Variants in HAPSTR1 observed in about 807,000 individuals in gnomAD.
HAPSTR1 encodes HUWE1 associated protein modifying stress responses, also known as HUWE1-associated protein modifying stress responses 1.
At chr16:9,092,969 A>C in the HAPSTR1 span, 1 of 1,610,422 alleles carries the variant, frequency 6.2e-7, no homozygotes, top group Non-Finnish European at 8.5e-7. Flanking sequence ...CCCTTCCAAA[A>C]CGCAGCCACC....
chr16:9,093,151 A>G, the HAPSTR1 span: 19 of 794,956 alleles, frequency 2.4e-5, no homozygotes, highest in Admixed American at 5.2e-4. Flanking sequence ...TGCTCTAGCT[A>G]GATCCACCGG....
At chr16:9,099,557 A>G in the HAPSTR1 span, among the ~76,000 whole-genome samples, 1 of 152,208 alleles carries the variant, frequency 6.6e-6, no homozygotes, top group African/African-American at 2.4e-5. Flanking sequence ...TTGACATTTC[A>G]GTGCTTGTGG....
At chr16:9,106,847 C>T in the HAPSTR1 span, 2 of 152,068 alleles carry the variant, frequency 1.3e-5, no homozygotes, top group Admixed American at 1.3e-4. Flanking sequence ...GAATTAATAC[C>T]AACAACTGGT....
the HAPSTR1 span, among the ~76,000 whole-genome samples, chr16:9,094,178 A>G: frequency 6.6e-6 from 1 of 152,180 alleles, no homozygotes; most frequent in Non-Finnish European, 1.5e-5. Context: ...ACTGGTAACA[A>G]AGTGGTGAAA....
At chr16:9,098,199 G>GT in the HAPSTR1 span, among the ~76,000 whole-genome samples, 1 of 152,164 alleles carries the variant, frequency 6.6e-6, no homozygotes, top group Non-Finnish European at 1.5e-5. Flanking sequence ...GGGCATTGTG[G>GT]TGCATGCCTG....
the HAPSTR1 span, among the ~76,000 whole-genome samples, chr16:9,097,371 A>G: frequency 3.8e-4 from 57 of 151,566 alleles, no homozygotes; most frequent in Middle Eastern, 6.9e-3. Context: ...GCCACTGAGT[A>G]GCTGGGACCA....
chr16:9,115,364 A>G, the HAPSTR1 span, among the ~76,000 whole-genome samples: 1 of 152,186 alleles, frequency 6.6e-6, no homozygotes, highest in East Asian at 1.9e-4. Context: ...AAATTAATTG[A>G]TAGTCAAGCA....
the HAPSTR1 span, chr16:9,105,839 T>A: frequency 6.6e-6 from 1 of 152,218 alleles, no homozygotes; most frequent in Non-Finnish European, 1.5e-5. Flanking sequence ...GGCTTGAGTT[T>A]ATAATGAAAG....
the HAPSTR1 span, chr16:9,113,004 GGTTTTTTTTTTTTGTTTTTTTT>G: frequency 2.9e-5 from 3 of 102,690 alleles, no homozygotes; most frequent in African/African-American, 1.7e-4. Flanking sequence ...CGTACAACTT[GGTTTTTTTTTTTTGTTTTTTTT>G]GTTTTTTTTT....
chr16:9,098,910 T>A, the HAPSTR1 span, among the ~76,000 whole-genome samples: 1 of 152,206 alleles, frequency 6.6e-6, no homozygotes, highest in South Asian at 2.1e-4. Flanking sequence ...AGTTCCTTGT[T>A]ACAAACTTGC....
At chr16:9,121,308 A>G in the HAPSTR1 span, 101,551 of 152,182 alleles carry the variant, frequency 0.67, 35,089 homozygotes, top group African/African-American at 0.85. Flanking sequence ...CTGGGTCAAA[A>G]AAATTCATCT....
the HAPSTR1 span, chr16:9,107,286 TA>T: frequency 2.0e-5 from 3 of 152,230 alleles, no homozygotes; most frequent in Non-Finnish European, 4.4e-5. Context: ...TGGAAATACA[TA>T]AACATAGAGC....
chr16:9,120,222 G>A, the HAPSTR1 span: 6 of 152,208 alleles, frequency 3.9e-5, no homozygotes, highest in Non-Finnish European at 7.3e-5. Flanking sequence ...GGTTCTTCCA[G>A]AGCAACCCCT....
chr16:9,094,305 T>G, the HAPSTR1 span, among the ~76,000 whole-genome samples: 1 of 152,198 alleles, frequency 6.6e-6, no homozygotes, highest in Non-Finnish European at 1.5e-5. Flanking sequence ...ATATAGCTGT[T>G]TGTTAAATTG....
the HAPSTR1 span, chr16:9,108,777 C>T: frequency 2.0e-5 from 3 of 152,050 alleles, no homozygotes; most frequent in African/African-American, 7.2e-5. Flanking sequence ...CCTCGGTAAC[C>T]TTGGGCAACA....
At chr16:9,091,867 G>A in the HAPSTR1 span, 2 of 444,628 alleles carry the variant, frequency 4.5e-6, no homozygotes, top group Non-Finnish European at 7.4e-6. Context: ...GTTGCACGGG[G>A]CCGCGGGGCG....
chr16:9,110,115 G>C, the HAPSTR1 span: 1 of 149,746 alleles, frequency 6.7e-6, no homozygotes, highest in Admixed American at 6.6e-5. Context: ...GAGGCACCAT[G>C]TCCATCGCCT....
the HAPSTR1 span, chr16:9,092,201 GAGCACAAGC>G: frequency 6.3e-7 from 1 of 1,587,054 alleles, no homozygotes; most frequent in Non-Finnish European, 8.6e-7. Flanking sequence ...CGCGCAGCCC[GAGCACAAGC>G]AGCAGAAGCT....
the HAPSTR1 span, among the ~76,000 whole-genome samples, chr16:9,096,940 T>C: frequency 2.0e-5 from 3 of 152,214 alleles, no homozygotes; most frequent in African/African-American, 7.2e-5. Context: ...TGTGTAGCTC[T>C]TATTTTTTTT....
Sources: gnomAD v4.1 joint callset for allele counts (sites outside exome capture counted in the v4.1 genomes callset) on GRCh38, gnomAD v4.1.1 for gene constraint, MANE v1.5 for transcripts, NCBI Gene and HGNC (gene_info 2026-07-23, HGNC 2026-07-21) for gene names.